MSRB3: variants seen among roughly 807,000 people sequenced by gnomAD.
MSRB3 encodes the protein methionine-R-sulfoxide reductase B3.
In MSRB3, 13 loss-of-function variants were observed where a neutral mutation model predicts 21.0. That is an observed-to-expected ratio of 0.62 (90% CI 0.40 to 0.98). MSRB3 has a LOEUF of 0.98. Among genes scored for constraint, MSRB3 ranks in the 50% least tolerant of loss-of-function variants. MSRB3 has a pLI of 0.00. For missense variants in MSRB3, 199 were observed against 230.3 expected (o/e 0.86, Z 0.88); for synonymous variants, 87 against 88.6 (o/e 0.98, Z 0.10).
chr12:65,454,827 G>A (rs777900737), intron 6 of MSRB3, among the ~76,000 whole-genome samples: 3 of 152,178 alleles, frequency 2.0e-5, no homozygotes, highest in South Asian at 2.1e-4. Context: ...ACCCACAATC[G>A]AGAGACTTGA....
intron 1 of MSRB3, among the ~76,000 whole-genome samples, chr12:65,299,067 A>G (rs796639602): frequency 8.6e-5 from 13 of 151,922 alleles, no homozygotes; most frequent in African/African-American, 2.9e-4. Flanking sequence ...ACTACCTGCA[A>G]CTCCACCTCT....
intron 1 of MSRB3, among the ~76,000 whole-genome samples, chr12:65,306,296 A>G (rs1015152046): frequency 1.3e-5 from 2 of 152,248 alleles, no homozygotes; most frequent in African/African-American, 2.4e-5. Flanking sequence ...TACATGTTAG[A>G]GCCATATTAA....
At chr12:65,319,629 A>AT (rs1330869838) in intron 2 of MSRB3, among the ~76,000 whole-genome samples, 1 of 152,118 alleles carries the variant, frequency 6.6e-6, no homozygotes, top group East Asian at 1.9e-4. Context: ...TACCTTATTT[A>AT]TTTTTAACTT....
At chr12:65,369,812 A>C (rs918323696) in intron 5 of MSRB3, among the ~76,000 whole-genome samples, 1 of 152,184 alleles carries the variant, frequency 6.6e-6, no homozygotes, top group Non-Finnish European at 1.5e-5. Flanking sequence ...AGGAGAAAAT[A>C]ATTTACAGAA....
At chr12:65,338,430 C>T (rs1369668445) in intron 4 of MSRB3, among the ~76,000 whole-genome samples, 1 of 152,152 alleles carries the variant, frequency 6.6e-6, no homozygotes, top group Non-Finnish European at 1.5e-5. Context: ...ACTCCTGGAA[C>T]TTACTTTTGG....
intron 5 of MSRB3, among the ~76,000 whole-genome samples, chr12:65,413,959 T>A (rs1165355309): frequency 6.6e-6 from 1 of 152,120 alleles, no homozygotes; most frequent in Non-Finnish European, 1.5e-5. Flanking sequence ...AAAGGCCTTA[T>A]GATAAATGTA....
chr12:65,308,226 A>G (rs77305303), intron 1 of MSRB3, among the ~76,000 whole-genome samples: 2 of 152,216 alleles, frequency 1.3e-5, no homozygotes, highest in African/African-American at 4.8e-5. Flanking sequence ...GTCACATGGT[A>G]TGAACTCAGT....
chr12:65,295,830 G>A (rs1413956305), intron 1 of MSRB3, among the ~76,000 whole-genome samples: 2 of 152,126 alleles, frequency 1.3e-5, no homozygotes, highest in African/African-American at 4.8e-5. Flanking sequence ...TACAAATTCA[G>A]GTGATAAATT....
At chr12:65,419,590 G>C in intron 5 of MSRB3, 1 of 727,550 alleles carries the variant, frequency 1.4e-6, no homozygotes, top group Non-Finnish European at 2.6e-6. Flanking sequence ...ATTGTCCACA[G>C]TATTTGTGAA....
chr12:65,437,002 A>G (rs142892134), intron 5 of MSRB3, among the ~76,000 whole-genome samples: 36 of 152,084 alleles, frequency 2.4e-4, no homozygotes, highest in African/African-American at 8.2e-4. Flanking sequence ...ACGACAATAA[A>G]TGTAAAGCAC....
At chr12:65,362,837 C>T (rs1278339351) in intron 4 of MSRB3, among the ~76,000 whole-genome samples, 2 of 152,076 alleles carry the variant, frequency 1.3e-5, no homozygotes, top group African/African-American at 2.4e-5. Context: ...TGAAAGGGCA[C>T]ATAAATATTC....
chr12:65,459,322 C>T (rs771742916), intron 6 of MSRB3, among the ~76,000 whole-genome samples: 1 of 152,112 alleles, frequency 6.6e-6, no homozygotes, highest in Non-Finnish European at 1.5e-5. Flanking sequence ...TTGGTAAAAA[C>T]CCCAAACCTT....
chr12:65,423,639 T>A (rs1881435778), intron 5 of MSRB3, among the ~76,000 whole-genome samples: 1 of 152,208 alleles, frequency 6.6e-6, no homozygotes, highest in Non-Finnish European at 1.5e-5. Context: ...ATGTGGTATA[T>A]CATATTATTG....
chr12:65,371,573 ATGTGTGTGTG>A (rs149808439), intron 5 of MSRB3, among the ~76,000 whole-genome samples: 1 of 147,788 alleles, frequency 6.8e-6, no homozygotes, highest in African/African-American at 2.5e-5. Flanking sequence ...GTTAAATTTT[ATGTGTGTGTG>A]TGTGTGTGTG....
At chr12:65,364,722 A>G (rs1877906665) in intron 4 of MSRB3, among the ~76,000 whole-genome samples, 1 of 152,180 alleles carries the variant, frequency 6.6e-6, no homozygotes, top group Non-Finnish European at 1.5e-5. Context: ...CGAGGTGATC[A>G]TAGTTCATAG....
At chr12:65,438,858 G>A (rs1465611443) in intron 5 of MSRB3, among the ~76,000 whole-genome samples, 2 of 151,738 alleles carry the variant, frequency 1.3e-5, no homozygotes, top group Admixed American at 6.6e-5. Flanking sequence ...GTAATAATGG[G>A]CAAGAATGGA....
intron 5 of MSRB3, among the ~76,000 whole-genome samples, chr12:65,381,979 A>G (rs1014257788): frequency 6.6e-6 from 1 of 152,074 alleles, no homozygotes; most frequent in African/African-American, 2.4e-5. Context: ...TTTTCACACA[A>G]TAGCATGTAA....
At chr12:65,307,472 A>C (rs1873725583) in intron 1 of MSRB3, among the ~76,000 whole-genome samples, 1 of 152,182 alleles carries the variant, frequency 6.6e-6, no homozygotes, top group South Asian at 2.1e-4. Flanking sequence ...GGCGGGAAGC[A>C]GGGGAAGTGG....
intron 5 of MSRB3, among the ~76,000 whole-genome samples, chr12:65,397,585 C>A (rs1481346297): frequency 1.3e-5 from 2 of 151,960 alleles, no homozygotes; most frequent in Non-Finnish European, 2.9e-5. Context: ...TGGAAAAGTA[C>A]AATTATACTT....
Sources: allele counts gnomAD v4.1 joint callset (sites outside exome capture counted in the v4.1 genomes callset), GRCh38; gene constraint gnomAD v4.1.1; transcripts MANE v1.5; gene names NCBI Gene and HGNC (gene_info 2026-07-23, HGNC 2026-07-21).